The following CFAP46 variants were observed in gnomAD, a reference collection of about 807,000 sequenced individuals.
CFAP46 encodes the protein cilia and flagella associated protein 46.
In CFAP46, 245 loss-of-function variants were observed where a neutral mutation model predicts 325.7. The ratio of observed to expected loss-of-function variants is 0.75; its 90% CI spans 0.68 to 0.84. The LOEUF (loss-of-function observed/expected upper bound fraction) is 0.84, where lower values mean the gene tolerates loss of function less well. Ranked by LOEUF, CFAP46 falls within the 40% of genes least tolerant of loss-of-function variation. CFAP46 has a pLI of 0.00. For missense variants in CFAP46, 3,346 were observed against 3,543.0 expected (o/e 0.94, Z 1.41); for synonymous variants, 1,523 against 1,495.9 (o/e 1.02, Z -0.42).
Position 132,832,354 on chromosome 10 carries a change from G to A in CFAP46, c.7117+1004C>T, listed in dbSNP as rs1591041086. On this transcript the variant is annotated intron_variant, in intron 50 of 57. Transcript: ENST00000368586. This position sits in a 1 kb window ranked among gnomAD's most constrained non-coding sequence, Gnocchi z 4.1. ...CAGTTTCCCAGACTCCAAACTGTCT[G>A]TCCTCAACTTGCGGAGACCCCTGGG... 6.8e-6 allele frequency among the ~76,000 whole-genome samples: 1 copy of A among 146,414 alleles called. No homozygotes were observed. The highest frequency in any genetic ancestry group is 2.6e-5 in the African/African-American group (1 of 38,854).
Position 132,817,050 on chromosome 10 carries a change from T to A in CFAP46, c.7118-2136A>T, listed in dbSNP as rs1419165910. 6.6e-6 allele frequency among the ~76,000 whole-genome samples: 1 copy of A among 152,306 alleles called. No individual in the cohort carries two copies. Among genetic ancestry groups the A allele is most frequent in the Non-Finnish European group, 1.5e-5 (1 of 68,026 alleles). On this transcript the variant is annotated intron_variant, in intron 50 of 57. Transcript: ENST00000368586. The surrounding 1 kb of genome is among the most constrained non-coding windows in gnomAD (Gnocchi z 4.4). ...AGATTGTTAATTATGTCGCCCTGAA[T>A]CTCTCTCTTTTTGCTCTTTGTCTGG...
At chr10:132,934,287 C>A (rs1849958850) in intron 8 of CFAP46, among the ~76,000 whole-genome samples, 1 of 104,188 alleles carries the variant, frequency 9.6e-6, no homozygotes. Flanking sequence ...GAAGGCAAAA[C>A]CAGCCAGTGC....
chr10:132,893,329 G>C (rs1020829347), intron 24 of CFAP46, among the ~76,000 whole-genome samples: 1 of 152,230 alleles, frequency 6.6e-6, no homozygotes, highest in African/African-American at 2.4e-5. Context: ...AGACAGCCAG[G>C]TGGGAAGGGG....
intron 56 of CFAP46, chr10:132,810,728 G>T (rs12416631): frequency 6.9e-6 from 5 of 724,902 alleles, no homozygotes; most frequent in East Asian, 2.7e-5. Context: ...GGCGCTGTGG[G>T]GACCCGGCTC....
chr10:132,863,062 G>A lies in CFAP46; in HGVS notation c.4891-2080C>T, dbSNP rs561355081. Reference sequence around the variant, plus strand: ...CAGCGGCTGCAGGAAGGAGGGTGGCGAACCCACGTTCGCGGGAGTCCAGCA... The same window carrying A: ...CAGCGGCTGCAGGAAGGAGGGTGGCAAACCCACGTTCGCGGGAGTCCAGCA... On this transcript the variant is annotated intron_variant, in intron 35 of 57. Coordinates refer to ENST00000368586, the MANE Select transcript of CFAP46 (RefSeq NM_001200049.3). 1.1e-4 allele frequency among the ~76,000 whole-genome samples: 17 copies of A among 152,236 alleles called. 1 individual carries two copies. In the South Asian group the frequency reaches 3.1e-3, roughly 28 times the overall value.
chr10:132,836,623 C>T (rs1273594085), intron 45 of CFAP46, among the ~76,000 whole-genome samples, 194 bp downstream of exon 45: 2 of 93,034 alleles, frequency 2.1e-5, no homozygotes, highest in Admixed American at 1.2e-4. Flanking sequence ...GGGTGTGTGG[C>T]GTCTCTGGAC....
Position 132,918,447 on chromosome 10 carries a change from C to G in CFAP46, c.1932G>C (p.Gln644His). ...ACTTCCGCAGCAGGTCGGGGCACAC[C>G]TGCCTCTGCAGGACGACCTCAGGCT... ...WSQPEVVLQRQVCPDLLRKFA... is the reference protein window; with the variant it reads ...WSQPEVVLQRHVCPDLLRKFA... The change falls in exon 16 of 58, where the codon CAG becomes CAC. Residue 644 changes from glutamine to histidine, a missense_variant. Coordinates refer to ENST00000368586, the MANE Select transcript of CFAP46 (RefSeq NM_001200049.3). The G allele has an allele frequency of 6.5e-7, 1 of 1,549,552 alleles. No homozygotes were observed. Among genetic ancestry groups the G allele is most frequent in the Non-Finnish European group, 8.7e-7 (1 of 1,146,230 alleles).
At position 132,879,565 on chromosome 10, in the gene CFAP46, A is replaced by G; in HGVS notation, c.3866T>C (p.Leu1289Ser). 1 of 1,547,356 alleles carries G rather than the reference A, an allele frequency of 6.5e-7. No homozygotes were observed. The highest frequency in any genetic ancestry group is 2.4e-5 in the East Asian group (1 of 40,866). The part of the protein sequence containing the change: ...PVSEAEEAVS[L>S]EQLRSVRQLE... ...CTGCCGCACGCTACGCAGCTGCTCC[A>G]AGGACACCGCCTCCTCGGCCTCGGA... The change falls in exon 29 of 58, where the codon TTG (leucine) becomes TCG (serine). Residue 1289 changes from leucine (L) to serine (S), a missense_variant. Transcript: ENST00000368586.
intron 27 of CFAP46, among the ~76,000 whole-genome samples, chr10:132,882,233 G>C (rs1388225390): frequency 6.6e-6 from 1 of 151,380 alleles, no homozygotes; most frequent in Non-Finnish European, 1.5e-5. Context: ...TGTGGGGTGT[G>C]AGTGGGATGT....
At chr10:132,834,989 C>T (rs1848215693) in intron 47 of CFAP46, among the ~76,000 whole-genome samples, 1 of 152,262 alleles carries the variant, frequency 6.6e-6, no homozygotes, top group African/African-American at 2.4e-5. Flanking sequence ...ATCTCCTCTG[C>T]CCGCACCACG....
At chr10:132,920,284 C>A in intron 13 of CFAP46, 102 bp from the exon 14 acceptor site, 1 of 1,375,380 alleles carries the variant, frequency 7.3e-7, no homozygotes, top group South Asian at 1.6e-5. Context: ...GGGTGGCCAC[C>A]CACAGGTAGC....
chr10:132,862,452 G>C (rs921715606), intron 35 of CFAP46, among the ~76,000 whole-genome samples: 4 of 149,772 alleles, frequency 2.7e-5, no homozygotes, highest in Non-Finnish European at 4.5e-5. Context: ...GGGGCGGGGT[G>C]GGGGGTGCGT....
chr10:132,808,804 T>G lies in CFAP46; in HGVS notation c.7765A>C (p.Ser2589Arg). ...QLGPVWAAAP[S>R]HRVVQAWTCL... ...GTCCAGGCCTGCACTACCCGATGGC[T>G]TGGTGCGGCAGCCCATACAGGACCA... Residue 2589 changes from serine to arginine, a missense_variant, in exon 58 of 58, where the codon AGC (serine) becomes CGC (arginine). By Grantham distance (110) the Ser-to-Arg change is moderately radical. Coordinates refer to ENST00000368586, the MANE Select transcript of CFAP46 (RefSeq NM_001200049.3). This position sits in a 1 kb window ranked among gnomAD's most constrained non-coding sequence, Gnocchi z 6.8. 6.2e-7 allele frequency: 1 copy of G among 1,607,368 alleles called. No individual in the cohort carries two copies. The highest frequency in any genetic ancestry group is 1.7e-5 in the Admixed American group (1 of 59,068).
intron 33 of CFAP46, among the ~76,000 whole-genome samples, 157 bp from the exon 34 acceptor site, chr10:132,867,664 A>C (rs1311892226): frequency 6.6e-6 from 1 of 152,192 alleles, no homozygotes; most frequent in Non-Finnish European, 1.5e-5. Flanking sequence ...CTAACGGCAC[A>C]TCCGACTCCC....
chr10:132,810,554 G>A, intron 56 of CFAP46, 65 bp from the exon 57 acceptor site: 2 of 1,453,182 alleles, frequency 1.4e-6, no homozygotes, highest in Non-Finnish European at 1.9e-6. Context: ...AGGGTTGCGG[G>A]ACAGGCCCGG....
In CFAP46 at chr10:132,841,373, G is replaced by T. The variant is rs536646652; in HGVS notation, c.6439-4459C>A. Among the ~76,000 whole-genome samples the T allele has an allele frequency of 2.6e-5, 4 of 152,356 alleles. No homozygotes were observed. The South Asian group carries it at 8.3e-4, about 32-fold the overall frequency. The stretch of plus-strand genomic sequence containing the variant: ...CTGAATTCAGGGAATGGTCTCTTCC[G>T]ACAGCACCTGCTGCCTCTGGACGCA... On this transcript the variant is annotated intron_variant, in intron 44 of 57. Transcript: ENST00000368586.
rs1849680046 is a variant in CFAP46 at position 132,919,054 on chromosome 10, T to A, written c.1858+261A>T. On this transcript the variant is annotated intron_variant, in intron 15 of 57. Transcript: ENST00000368586. This position sits in a 1 kb window ranked among gnomAD's most constrained non-coding sequence, Gnocchi z 9.7. The stretch of plus-strand genomic sequence containing the variant: ...TCTGCTCACTGGCTGTGGTGGCCCC[T>A]GCCTGAGCCTCCGAGGCCCCCAGTG... Among the ~76,000 whole-genome samples, 1 of 152,238 alleles carries A rather than the reference T, an allele frequency of 6.6e-6. No homozygotes were observed. The highest frequency in any genetic ancestry group is 1.5e-5 in the Non-Finnish European group (1 of 68,032).
rs1849582875 is a variant in CFAP46, at chr10:132,913,276, C to T, written c.2121-18G>A. The T allele has an allele frequency of 1.9e-6, 3 of 1,547,650 alleles. No homozygotes were observed. The highest frequency in any genetic ancestry group is 2.6e-6 in the Non-Finnish European group (3 of 1,144,674). ...TCCAGGTTCTGCAAAACGAGCACCA[C>T]CAAGCCCTTAATGCAGGGTCCCCAG... On this transcript the variant is annotated intron_variant, in intron 17 of 57. Transcript: ENST00000368586.
intron 50 of CFAP46, among the ~76,000 whole-genome samples, chr10:132,826,527 C>G (rs1422805130): frequency 8.2e-6 from 1 of 122,278 alleles, no homozygotes; most frequent in African/African-American, 3.4e-5. Flanking sequence ...ACCGGAGCCA[C>G]GGAGACCAGC....
Sources: gnomAD v4.1 joint callset for allele counts (sites outside exome capture counted in the v4.1 genomes callset) on GRCh38, gnomAD v4.1.1 for gene constraint, Gnocchi (gnomAD v3.1) non-coding constraint, MANE v1.5 for transcripts, NCBI Gene and HGNC (gene_info 2026-07-23, HGNC 2026-07-21) for gene names.